The following ACTN1 variants were observed in gnomAD, a reference collection of about 807,000 sequenced individuals.
ACTN1 encodes the protein actinin alpha 1.
A neutral mutation model predicts 119.6 loss-of-function variants in ACTN1; 30 were observed. The ratio of observed to expected loss-of-function variants is 0.25; its 90% CI spans 0.19 to 0.34. The LOEUF (loss-of-function observed/expected upper bound fraction) is 0.34, where lower values mean the gene tolerates loss of function less well. Among genes scored for constraint, ACTN1 ranks in the 10% least tolerant of loss-of-function variants. The probability of loss-of-function intolerance (pLI) is 1.00; values close to 1 mark genes in which losing one functional copy is unlikely to be tolerated. For synonymous variants in ACTN1, 429 were observed against 472.6 expected (o/e 0.91, Z 1.20); for missense variants, 764 against 1,223.4 (o/e 0.62, Z 5.60).
At chr14:68,920,319 G>A (rs746074959) in intron 3 of ACTN1, among the ~76,000 whole-genome samples, 6 of 152,128 alleles carry the variant, frequency 3.9e-5, no homozygotes, top group Admixed American at 1.3e-4. Context: ...CTGACATCAC[G>A]CAGCAGGTGC....
At chr14:68,877,400 C>A (rs1284634077) in intron 20 of ACTN1, 160 bp from the exon 21 acceptor site, 2 of 794,158 alleles carry the variant, frequency 2.5e-6, no homozygotes, top group African/African-American at 3.5e-5. Flanking sequence ...GATGGGGACA[C>A]AACACCCAAC....
At chr14:68,899,334 C>T (rs1356191042) in intron 8 of ACTN1, among the ~76,000 whole-genome samples, 2 of 150,584 alleles carry the variant, frequency 1.3e-5, no homozygotes, top group African/African-American at 2.5e-5. Flanking sequence ...CACCTCACCC[C>T]TCACACCTCC....
Position 68,874,787 on chromosome 14 carries a change from C to T in ACTN1, c.*72G>A. ...GCTGGGAGCTGAAACCGAACCCAGGCAGGAGATGGGCGACGGCGGAGGTGC... is the reference window on the plus strand; with the variant it reads ...GCTGGGAGCTGAAACCGAACCCAGGTAGGAGATGGGCGACGGCGGAGGTGC... On this transcript the variant is annotated 3_prime_UTR_variant, in exon 22 of 22. Transcript: ENST00000394419. 1 of 1,411,124 alleles carries T rather than the reference C, an allele frequency of 7.1e-7. No homozygotes were observed. The highest frequency in any genetic ancestry group is 9.3e-7 in the Non-Finnish European group (1 of 1,074,420). The allele number at this position is 1,411,124 out of a possible 1,614,324, so 87.4% of individuals were successfully genotyped here.
rs779178860 is a variant in ACTN1 at position 68,878,811 on chromosome 14, A to G, written c.2361+178T>C. ...CACCCAGTAGGTTGCCATGAAAGAC[A>G]GCAGAGGGCAGAGGGTGGACCAGTG... On this transcript the variant is annotated intron_variant, in intron 19 of 21. Coordinates refer to ENST00000394419, the MANE Select transcript of ACTN1 (RefSeq NM_001130004.2). This position sits in a 1 kb window ranked among gnomAD's most constrained non-coding sequence, Gnocchi z 4.4. 1.4e-5 allele frequency: 22 copies of G among 1,589,306 alleles called. No homozygotes were observed. In the African/African-American group the frequency reaches 2.9e-4, roughly 21 times the overall value.
In ACTN1 at chr14:68,979,194, T is replaced by G; in HGVS notation, c.-138A>C. The G allele has an allele frequency of 5.8e-5, 27 of 468,630 alleles. No homozygotes were observed. The highest frequency in any genetic ancestry group is 9.0e-5 in the East Asian group (2 of 22,182). The allele number at this position is 468,630 out of a possible 1,614,324, so 29.0% of individuals were successfully genotyped here. ...CCGGGCTCGCTCCCCTGCGCCCGGT[T>G]CCGCCGCGGCGCTGCTGGCGAAGGC... On this transcript the variant is annotated 5_prime_UTR_variant, in exon 1 of 22. Transcript: ENST00000394419.
At position 68,876,170 on chromosome 14, in the gene ACTN1, G is replaced by A. The variant is rs139396872; in HGVS notation, c.2586+912C>T. ...CGCCACCACGCCCGGTTAATTTTTTGTATTTTTAGTAGAGACAAGGTTTTC... is the reference window on the plus strand; with the variant it reads ...CGCCACCACGCCCGGTTAATTTTTTATATTTTTAGTAGAGACAAGGTTTTC... On this transcript the variant is annotated intron_variant, in intron 21 of 21. Transcript: ENST00000394419. Among the ~76,000 whole-genome samples the A allele has an allele frequency of 2.8e-3, 426 of 152,178 alleles. 6 individuals are homozygous for A. Among genetic ancestry groups the A allele is most frequent in the African/African-American group, 9.3e-3 (384 of 41,492 alleles).
Position 68,880,413 on chromosome 14 carries a change from ATG to A in ACTN1, c.2134-307_2134-306del, listed in dbSNP as rs1169824755. Among the ~76,000 whole-genome samples, 2 of 151,978 alleles carry A rather than the reference ATG, an allele frequency of 1.3e-5. No homozygotes were observed. The highest frequency in any genetic ancestry group is 2.9e-5 in the Non-Finnish European group (2 of 68,016). ...GGGTAGGAAAGATTGAGACAAAAAA[ATG>A]TGTGATTCCCCGAACCTCCAACCCC... On this transcript the variant is annotated intron_variant, in intron 17 of 21. Transcript: ENST00000394419. The surrounding 1 kb of genome is among the most constrained non-coding windows in gnomAD (Gnocchi z 4.6).
chr14:68,929,571 G>A (rs527499063), intron 1 of ACTN1, among the ~76,000 whole-genome samples: 12 of 152,308 alleles, frequency 7.9e-5, no homozygotes, highest in South Asian at 4.1e-4. Flanking sequence ...AAGGAGATCC[G>A]GGATGGCAGG....
intron 1 of ACTN1, among the ~76,000 whole-genome samples, chr14:68,938,191 G>A (rs866204046): frequency 1.5e-4 from 23 of 152,308 alleles, no homozygotes; most frequent in South Asian, 1.2e-3. Flanking sequence ...CAGAGTCTTC[G>A]GGAACATCTC....
chr14:68,887,852 C>T, intron 11 of ACTN1: 1 of 834,990 alleles, frequency 1.2e-6, no homozygotes. Flanking sequence ...TTTCATTTCC[C>T]CGTTTTCTGC....
In ACTN1 at chr14:68,882,653, T is replaced by G; in HGVS notation, c.1819-61A>C. The G allele has an allele frequency of 6.2e-7, 1 of 1,603,672 alleles. No individual in the cohort carries two copies. The highest frequency in any genetic ancestry group is 8.5e-7 in the Non-Finnish European group (1 of 1,173,008). ...GTCAGCCATCTGTCCATGTGCCAGATGAGGAAATGGAGGACCCAGAAGGGG... is the reference window on the plus strand; with the variant it reads ...GTCAGCCATCTGTCCATGTGCCAGAGGAGGAAATGGAGGACCCAGAAGGGG... On this transcript the variant is annotated intron_variant, in intron 15 of 21. Coordinates refer to ENST00000394419, the MANE Select transcript of ACTN1 (RefSeq NM_001130004.2). This position sits in a 1 kb window ranked among gnomAD's most constrained non-coding sequence, Gnocchi z 4.5.
chr14:68,962,412 C>G (rs1484667724), intron 1 of ACTN1, among the ~76,000 whole-genome samples: 1 of 152,184 alleles, frequency 6.6e-6, no homozygotes, highest in Non-Finnish European at 1.5e-5. Flanking sequence ...ACCTCCTCCA[C>G]AGCCGCCTTC....
At chr14:68,953,164 T>G (rs1398989478) in intron 1 of ACTN1, among the ~76,000 whole-genome samples, 3 of 152,170 alleles carry the variant, frequency 2.0e-5, no homozygotes, top group Non-Finnish European at 4.4e-5. Context: ...AACAGACATC[T>G]TATTTAACTC....
chr14:68,929,591 G>C (rs747265131), intron 1 of ACTN1, among the ~76,000 whole-genome samples: 1 of 152,186 alleles, frequency 6.6e-6, no homozygotes, highest in Non-Finnish European at 1.5e-5. Context: ...GTCTTCAGTG[G>C]ATACACTCCG....
intron 1 of ACTN1, among the ~76,000 whole-genome samples, chr14:68,938,146 G>C (rs1425913843): frequency 6.6e-6 from 1 of 152,216 alleles, no homozygotes; most frequent in Non-Finnish European, 1.5e-5. Flanking sequence ...GCCCTTCAAA[G>C]CCAGCCGTCA....
At chr14:68,881,272 G>A (rs1188456722) in intron 16 of ACTN1, 1 of 370,408 alleles carries the variant, frequency 2.7e-6, no homozygotes, top group Non-Finnish European at 4.9e-6. Flanking sequence ...TGCAGGGTCA[G>A]TTCTAACCTA....
chr14:68,877,261 C>A, intron 20 of ACTN1, 21 bp from the exon 21 acceptor site: 1 of 1,613,600 alleles, frequency 6.2e-7, no homozygotes, highest in Non-Finnish European at 8.5e-7. Flanking sequence ...CAGCCAAACC[C>A]AGGCCTGTCA....
chr14:68,922,491 C>G (rs1458938936), intron 2 of ACTN1, among the ~76,000 whole-genome samples: 1 of 152,080 alleles, frequency 6.6e-6, no homozygotes, highest in Non-Finnish European at 1.5e-5. Flanking sequence ...GCTCCCTCCC[C>G]ACAGGATGGA....
Position 68,880,464 on chromosome 14 carries a change from T to TACACAC in ACTN1, c.2133+340_2133+345dup, listed in dbSNP as rs150904596. ...CCACAGCCACGCGCGCACACACACA[T>TACACAC]ACACACACACACACTCTTGCACAGT... On this transcript the variant is annotated intron_variant, in intron 17 of 21. Coordinates refer to ENST00000394419, the MANE Select transcript of ACTN1 (RefSeq NM_001130004.2). The surrounding 1 kb of genome is among the most constrained non-coding windows in gnomAD (Gnocchi z 4.6). 6.8e-3 allele frequency among the ~76,000 whole-genome samples: 1,034 copies of TACACAC among 151,384 alleles called. 9 individuals carry two copies. Among genetic ancestry groups the TACACAC allele is most frequent in the African/African-American group, 0.021 (864 of 41,254 alleles).
Sources: allele counts gnomAD v4.1 joint callset (sites outside exome capture counted in the v4.1 genomes callset), GRCh38; gene constraint gnomAD v4.1.1; non-coding constraint Gnocchi (gnomAD v3.1); transcripts MANE v1.5; gene names NCBI Gene and HGNC (gene_info 2026-07-23, HGNC 2026-07-21).